Variants in APBA2 observed in about 807,000 individuals in gnomAD.
The protein encoded by APBA2 is amyloid beta precursor protein binding family A member 2.
In APBA2, 30 loss-of-function variants were observed where a neutral mutation model predicts 75.0. The ratio of observed to expected loss-of-function variants is 0.40; its 90% CI spans 0.30 to 0.54. APBA2 has a LOEUF of 0.54. APBA2 is among the 20% of genes least tolerant of loss of function. The pLI is 0.49. For missense variants in APBA2, 801 were observed against 1,016.1 expected (o/e 0.79, Z 2.88); for synonymous variants, 444 against 409.6 (o/e 1.08, Z -1.01).
chr15:29,010,181 C>T (rs990930464), intron 3 of APBA2, among the ~76,000 whole-genome samples: 2 of 152,168 alleles, frequency 1.3e-5, no homozygotes, highest in Admixed American at 6.5e-5. Flanking sequence ...TTGTGCTTTT[C>T]GAAACCTTCT....
intron 3 of APBA2, among the ~76,000 whole-genome samples, chr15:29,020,325 G>A (rs57681375): frequency 0.37 from 55,874 of 150,152 alleles, 17,080 homozygotes; most frequent in African/African-American, 0.81. Flanking sequence ...GTTTATTGTT[G>A]TAGCTAAATA....
chr15:28,933,241 C>T (rs2034658497), intron 2 of APBA2, among the ~76,000 whole-genome samples: 1 of 152,098 alleles, frequency 6.6e-6, no homozygotes, highest in Non-Finnish European at 1.5e-5. Context: ...GGGCACATTC[C>T]AACTATAGCA....
At chr15:29,013,056 A>G (rs1398217682) in intron 3 of APBA2, among the ~76,000 whole-genome samples, 1 of 152,076 alleles carries the variant, frequency 6.6e-6, no homozygotes, top group Non-Finnish European at 1.5e-5. Context: ...AATTTCGTCA[A>G]GAGTTTCTAG....
At chr15:28,973,621 A>G (rs2037184143) in intron 2 of APBA2, among the ~76,000 whole-genome samples, 1 of 152,214 alleles carries the variant, frequency 6.6e-6, no homozygotes, top group South Asian at 2.1e-4. Flanking sequence ...GTATTTTTAC[A>G]CTTAAACAAG....
At chr15:29,055,246 C>T (rs1015602171) in intron 4 of APBA2, among the ~76,000 whole-genome samples, 16 of 152,196 alleles carry the variant, frequency 1.1e-4, no homozygotes, top group African/African-American at 3.6e-4. Context: ...CTGGTGCTCA[C>T]CCACTGCTGC....
At chr15:28,948,708 G>A (rs78282317) in intron 2 of APBA2, among the ~76,000 whole-genome samples, 3,563 of 152,276 alleles carry the variant, frequency 0.023, 63 homozygotes, top group Non-Finnish European at 0.04. Context: ...TACTGTAAAC[G>A]CTGATACAGT....
rs748679346 is a variant in APBA2 at position 29,061,949 on chromosome 15, G to A, written c.951+7114G>A. ...CAGCGTGTGGTGGGGCAGCAGGTGT[G>A]CAGATGGGGTGGTCCTGCACAGAGG... is the stretch of plus-strand genomic sequence containing the variant. On this transcript the variant is annotated intron_variant, in intron 4 of 14. Transcript: ENST00000683413. 4.6e-4 allele frequency among the ~76,000 whole-genome samples: 70 copies of A among 152,358 alleles called. 1 individual carries two copies. Among genetic ancestry groups the A allele is most frequent in the Admixed American group, 3.9e-3 (59 of 15,312 alleles).
chr15:28,907,042 C>G (rs2033166978), intron 1 of APBA2, among the ~76,000 whole-genome samples: 1 of 152,122 alleles, frequency 6.6e-6, no homozygotes, highest in South Asian at 2.1e-4. Flanking sequence ...AGTTTTGTAT[C>G]TTACTTAGAG....
chr15:28,999,156 GA>G (rs752977003), intron 3 of APBA2, among the ~76,000 whole-genome samples: 1,495 of 124,398 alleles, frequency 0.012, 16 homozygotes, highest in African/African-American at 0.031. Context: ...CAAAAAAAAA[GA>G]AAAAAAAAAA....
At chr15:28,967,927 C>T (rs1215315414) in intron 2 of APBA2, among the ~76,000 whole-genome samples, 3 of 152,156 alleles carry the variant, frequency 2.0e-5, no homozygotes, top group East Asian at 1.9e-4. Context: ...TTAACCTCTG[C>T]ACTCATTAAG....
chr15:29,004,453 A>G (rs952138860), intron 3 of APBA2, among the ~76,000 whole-genome samples: 1 of 152,154 alleles, frequency 6.6e-6, no homozygotes, highest in East Asian at 1.9e-4. Flanking sequence ...CCATTTCCAC[A>G]TTGGTGTAGC....
intron 1 of APBA2, among the ~76,000 whole-genome samples, chr15:28,902,390 T>G (rs1019123553): frequency 6.6e-6 from 1 of 152,138 alleles, no homozygotes; most frequent in African/African-American, 2.4e-5. Flanking sequence ...CTTCAAAATA[T>G]CAAGTCCATC....
At chr15:29,000,078 G>C (rs549105746) in intron 3 of APBA2, among the ~76,000 whole-genome samples, 1 of 152,140 alleles carries the variant, frequency 6.6e-6, no homozygotes, top group Non-Finnish European at 1.5e-5. Flanking sequence ...GAGGAGGGCC[G>C]TCTGCTTTAC....
At chr15:28,937,591 T>C (rs8035421) in intron 2 of APBA2, among the ~76,000 whole-genome samples, 52,068 of 151,984 alleles carry the variant, frequency 0.34, 15,762 homozygotes, top group African/African-American at 0.8. Flanking sequence ...GAGTTAGGCC[T>C]CTCTCCCACT....
chr15:29,070,915 G>C (rs77014354), intron 4 of APBA2: 3,770 of 338,858 alleles, frequency 0.011, 50 homozygotes, highest in Admixed American at 0.04. Flanking sequence ...GGAGTCATTC[G>C]TCCGCCCAGG....
Position 29,101,725 on chromosome 15 carries a change from G to A in APBA2, c.1465G>A (p.Gly489Arg), listed in dbSNP as rs978899574. The A allele has an allele frequency of 4.3e-6, 7 of 1,613,512 alleles. No individual in the cohort carries two copies. Among genetic ancestry groups the A allele is most frequent in the African/African-American group, 2.7e-5 (2 of 74,928 alleles). Residue 489 changes from glycine to arginine, a missense_variant, in exon 10 of 15, where the codon GGG (glycine) becomes AGG (arginine). Physicochemically the swap from Gly to Arg is moderately radical, Grantham distance 125. This residue lies in a region of APBA2 where 367 missense variants were observed against 544.5 expected (regional missense o/e 0.67). Coordinates refer to ENST00000683413, the MANE Select transcript of APBA2 (RefSeq NM_001353788.2). ...ASQDCIETTPGAQEGKKQYKM... is the reference protein window; with the variant it reads ...ASQDCIETTPRAQEGKKQYKM... ...TCAGGACTGCATCGAGACCACGCCC[G>A]GGGCCCAGGAAGGCAAGAAGCAGTA... is the stretch of plus-strand genomic sequence containing the variant.
intron 2 of APBA2, among the ~76,000 whole-genome samples, chr15:28,980,005 G>T (rs1469912891): frequency 1.3e-5 from 2 of 152,196 alleles, no homozygotes; most frequent in South Asian, 4.1e-4. Flanking sequence ...GAGATTTTCC[G>T]TAAGCACAGT....
intron 2 of APBA2, among the ~76,000 whole-genome samples, chr15:28,994,859 C>G (rs2038427132): frequency 6.6e-6 from 1 of 152,234 alleles, no homozygotes; most frequent in Non-Finnish European, 1.5e-5. Flanking sequence ...TGCAGGTGCC[C>G]TGTCCAGCAG....
intron 4 of APBA2, among the ~76,000 whole-genome samples, chr15:29,057,540 A>AC (rs1183423387): frequency 6.6e-6 from 1 of 152,250 alleles, no homozygotes; most frequent in Non-Finnish European, 1.5e-5. Flanking sequence ...GCCTTTTCAG[A>AC]CCATAGCATT....
Sources: gnomAD v4.1 joint callset for allele counts (sites outside exome capture counted in the v4.1 genomes callset) on GRCh38, gnomAD v4.1.1 for gene constraint, gnomAD v4.1.1 regional missense constraint, MANE v1.5 for transcripts, NCBI Gene and HGNC (gene_info 2026-07-23, HGNC 2026-07-21) for gene names.